The following KALRN variants were observed in gnomAD, a reference collection of about 807,000 sequenced individuals.
The protein encoded by KALRN is kalirin.
In KALRN, 70 loss-of-function variants were observed where a neutral mutation model predicts 353.7. That is an observed-to-expected ratio of 0.20 (90% CI 0.16 to 0.24). KALRN has a LOEUF of 0.24. Among genes scored for constraint, KALRN ranks in the 10% least tolerant of loss-of-function variants. KALRN has a pLI of 1.00. For missense variants in KALRN, 2,791 were observed against 3,756.7 expected, an observed-to-expected ratio of 0.74 and a Z score of 6.72; for synonymous variants, 1,391 against 1,434.8, an observed-to-expected ratio of 0.97 and a Z score of 0.69.
chr3:124,372,904 A>G (rs2086045621), intron 10 of KALRN, among the ~76,000 whole-genome samples: 1 of 152,154 alleles, frequency 6.6e-6, no homozygotes, highest in Admixed American at 6.5e-5. Flanking sequence ...CCCTTGGATG[A>G]GCGGTTTCAA....
intron 38 of KALRN, among the ~76,000 whole-genome samples, chr3:124,652,188 C>T (rs333306): frequency 0.48 from 72,518 of 151,990 alleles, 17,627 homozygotes; most frequent in Middle Eastern, 0.61. Flanking sequence ...TAGAAATGTA[C>T]AAAGTGTCTA....
At chr3:124,290,410 T>A (rs150567675) in intron 5 of KALRN, among the ~76,000 whole-genome samples, 44 of 152,100 alleles carry the variant, frequency 2.9e-4, no homozygotes, top group African/African-American at 1.1e-3. Flanking sequence ...AAGAAAGTAG[T>A]AAAAGCAACC....
Position 124,334,512 on chromosome 3 carries a change from C to T in KALRN, c.1647+17C>T. On this transcript the variant is annotated intron_variant, in intron 9 of 59. Coordinates refer to ENST00000682506, the MANE Select transcript of KALRN (RefSeq NM_001388419.1). The surrounding 1 kb of genome is among the most constrained non-coding windows in gnomAD (Gnocchi z 4.2). The stretch of plus-strand genomic sequence containing the variant: ...GTACAGCAGGTAACAGGCTCTGAGC[C>T]CCGGTGTCCATTATCCATTCTAGGA... 1 of 1,581,796 alleles carries T rather than the reference C, an allele frequency of 6.3e-7. No homozygotes were observed. The highest frequency in any genetic ancestry group is 8.7e-7 in the Non-Finnish European group (1 of 1,154,636).
chr3:124,654,290 T>C (rs2083745668), intron 38 of KALRN, among the ~76,000 whole-genome samples: 1 of 152,216 alleles, frequency 6.6e-6, no homozygotes, highest in African/African-American at 2.4e-5. Flanking sequence ...GGTGCACTGA[T>C]AAAGAAGCAT....
intron 17 of KALRN, among the ~76,000 whole-genome samples, chr3:124,438,124 G>A (rs1222829265): frequency 6.6e-6 from 1 of 152,096 alleles, no homozygotes; most frequent in Admixed American, 6.6e-5. Flanking sequence ...TCCTCCTCCA[G>A]GCCCTGATAC....
rs774545116 is a variant in KALRN, at chr3:124,434,416, G to A, written c.2939G>A (p.Arg980Gln). ...QAGHYDADAIRECAEKVALHW... is the reference protein window; with the variant it reads ...QAGHYDADAIQECAEKVALHW... ...GGCCACTACGATGCCGATGCCATCC[G>A]GGAATGTGCTGAGAAGGTGGCCCTC... Residue 980 changes from arginine to glutamine, a missense_variant, in exon 17 of 60, where the codon CGG becomes CAG. Arg to Gln is a conservative substitution (Grantham distance 43). Transcript: ENST00000682506. The A allele has an allele frequency of 6.8e-6, 11 of 1,614,212 alleles. 1 individual carries two copies. The highest frequency in any genetic ancestry group is 6.6e-5 in the South Asian group (6 of 91,082).
In KALRN at chr3:124,210,545, C is replaced by A. The variant is rs186221527; in HGVS notation, c.74-17445C>A. On this transcript the variant is annotated intron_variant, in intron 1 of 59. Coordinates refer to ENST00000682506, the MANE Select transcript of KALRN (RefSeq NM_001388419.1). ...AAAGCAGATTTAGGCAATGGAACAG[C>A]TGGGGAAGTGACAACCTCAGCCGTC... Among the ~76,000 whole-genome samples, 453 of 152,258 alleles carry A rather than the reference C, an allele frequency of 3.0e-3. 2 individuals are homozygous for A. Among genetic ancestry groups the A allele is most frequent in the African/African-American group, 0.01 (431 of 41,544 alleles).
chr3:124,301,243 G>A (rs2077242920), intron 6 of KALRN, among the ~76,000 whole-genome samples: 1 of 152,204 alleles, frequency 6.6e-6, no homozygotes, highest in African/African-American at 2.4e-5. Flanking sequence ...GGATAACTGA[G>A]AGTTAACAGC....
At chr3:124,083,240 T>C (rs765257606) in intron 1 of KALRN, among the ~76,000 whole-genome samples, 1 of 152,206 alleles carries the variant, frequency 6.6e-6, no homozygotes, top group Non-Finnish European at 1.5e-5. Context: ...TGCCAGGCGC[T>C]AGGGATACAC....
intron 1 of KALRN, among the ~76,000 whole-genome samples, chr3:124,101,077 A>G (rs866271083): frequency 5.2e-5 from 8 of 152,386 alleles, no homozygotes; most frequent in Admixed American, 2.0e-4. Flanking sequence ...AAACTGTGTA[A>G]GAACGCAATC....
chr3:124,709,558 G>A (rs28631744), intron 57 of KALRN, among the ~76,000 whole-genome samples: 219 of 152,298 alleles, frequency 1.4e-3, no homozygotes, highest in African/African-American at 5.1e-3. Flanking sequence ...GATTACAGGC[G>A]TGAGCCACTG....
chr3:124,539,491 A>G (rs2068809425), intron 33 of KALRN, among the ~76,000 whole-genome samples: 1 of 152,126 alleles, frequency 6.6e-6, no homozygotes, highest in South Asian at 2.1e-4. Flanking sequence ...ATTGAGACCC[A>G]CCAGACGCAC....
At chr3:124,303,521 T>C (rs1333297338) in intron 6 of KALRN, among the ~76,000 whole-genome samples, 1 of 152,226 alleles carries the variant, frequency 6.6e-6, no homozygotes, top group Non-Finnish European at 1.5e-5. Context: ...GGTGGTAATA[T>C]GCACAGAACA....
intron 12 of KALRN, among the ~76,000 whole-genome samples, chr3:124,396,656 T>G (rs1363289326): frequency 1.3e-5 from 2 of 152,254 alleles, no homozygotes; most frequent in East Asian, 3.8e-4. Flanking sequence ...TTCACAGGCT[T>G]GGCTGGCTTC....
intron 47 of KALRN, among the ~76,000 whole-genome samples, chr3:124,669,969 T>A (rs1170322014): frequency 1.3e-5 from 2 of 151,084 alleles, no homozygotes; most frequent in East Asian, 3.9e-4. Flanking sequence ...TTTTCTTTTT[T>A]TTTTTTTTTT....
At position 124,466,850 on chromosome 3, in the gene KALRN, T is replaced by C. The variant is rs984657062; in HGVS notation, c.4031+4217T>C. On this transcript the variant is annotated intron_variant, in intron 25 of 59. Coordinates refer to ENST00000682506, the MANE Select transcript of KALRN (RefSeq NM_001388419.1). Reference sequence around the variant, plus strand: ...GACCACCAATGGTGGCTGCCACATCTGGCTGGTTTAATTCATAGTGAAACA... The same window carrying C: ...GACCACCAATGGTGGCTGCCACATCCGGCTGGTTTAATTCATAGTGAAACA... Among the ~76,000 whole-genome samples, 5 of 152,340 alleles carry C rather than the reference T, an allele frequency of 3.3e-5. No individual in the cohort carries two copies. The South Asian group carries it at 1.0e-3, about 32-fold the overall frequency.
At chr3:124,437,898 C>T (rs1180665821) in intron 17 of KALRN, among the ~76,000 whole-genome samples, 1 of 152,068 alleles carries the variant, frequency 6.6e-6, no homozygotes, top group African/African-American at 2.4e-5. Context: ...CAGATATGTA[C>T]ATTCTCCCAT....
In KALRN at chr3:124,658,329, C is replaced by A. The variant is rs1046109015; in HGVS notation, c.6037-102C>A. The A allele has an allele frequency of 3.5e-6, 3 of 847,270 alleles. No homozygotes were observed. In the South Asian group the frequency reaches 4.1e-5, roughly 12 times the overall value. 52.5% of individuals were successfully genotyped at this position (847,270 alleles called of 1,614,324 possible). ...AGCTGCCTTGGTGCGTCCCCAAGTG[C>A]GCCTTTGTCCTTTGTCCACGTGGAG... On this transcript the variant is annotated intron_variant, in intron 41 of 59. Transcript: ENST00000682506.
chr3:124,584,813 C>A (rs760570550), intron 34 of KALRN: 3 of 1,599,604 alleles, frequency 1.9e-6, no homozygotes, highest in Non-Finnish European at 2.6e-6. Flanking sequence ...GCTGGGGCGG[C>A]GGGGCAACAT....
Sources: gnomAD v4.1 joint callset for allele counts (sites outside exome capture counted in the v4.1 genomes callset) on GRCh38, gnomAD v4.1.1 for gene constraint, Gnocchi (gnomAD v3.1) non-coding constraint, MANE v1.5 for transcripts, NCBI Gene and HGNC (gene_info 2026-07-23, HGNC 2026-07-21) for gene names.